GATB: variants seen among roughly 807,000 people sequenced by gnomAD.
The protein encoded by GATB is glutamyl-tRNA(Gln) amidotransferase subunit B, mitochondrial.
Under a neutral mutation model 62.3 loss-of-function variants are expected in GATB, and 39 were observed. The observed-to-expected ratio is 0.63, with a 90% CI of 0.48 to 0.82. The LOEUF (loss-of-function observed/expected upper bound fraction) is 0.82. Among genes scored for constraint, GATB ranks in the 40% least tolerant of loss-of-function variants. GATB has a pLI of 0.00. For missense variants in GATB, 670 were observed against 684.0 expected (o/e 0.98, Z 0.23); for synonymous variants, 276 against 258.9 (o/e 1.07, Z -0.63).
chr4:151,678,230 T>C (rs1434647421), intron 11 of GATB, among the ~76,000 whole-genome samples: 1 of 152,218 alleles, frequency 6.6e-6, no homozygotes, highest in Non-Finnish European at 1.5e-5. Flanking sequence ...TCCCCTCCTT[T>C]AAACATGCTG....
At chr4:151,736,943 G>A (rs1739388251) in intron 2 of GATB, among the ~76,000 whole-genome samples, 1 of 152,194 alleles carries the variant, frequency 6.6e-6, no homozygotes, top group Admixed American at 6.5e-5. Flanking sequence ...GGAACTGTAA[G>A]TCCAATAAAC....
rs1739232653 is a variant in GATB at position 151,730,987 on chromosome 4, C to A, written c.328-11449G>T. ...AGCTATTAAGCTAATCAGGGAGGGA[C>A]CAGAGAAAGGCGAAGCCCAATGCAA... On this transcript the variant is annotated intron_variant, in intron 2 of 12. Coordinates refer to ENST00000263985, the MANE Select transcript of GATB (RefSeq NM_004564.3). The surrounding 1 kb of genome is among the most constrained non-coding windows in gnomAD (Gnocchi z 4.1). 6.6e-6 allele frequency among the ~76,000 whole-genome samples: 1 copy of A among 152,142 alleles called. No homozygotes were observed. The highest frequency in any genetic ancestry group is 6.5e-5 in the Admixed American group (1 of 15,276).
chr4:151,698,159 AG>A (rs1218817377), intron 9 of GATB, among the ~76,000 whole-genome samples: 3 of 151,756 alleles, frequency 2.0e-5, no homozygotes, highest in Non-Finnish European at 4.4e-5. Context: ...TGCTTCTCCC[AG>A]GATCTTCCTG....
intron 9 of GATB, among the ~76,000 whole-genome samples, chr4:151,699,961 T>A (rs574139202): frequency 6.6e-6 from 1 of 152,266 alleles, no homozygotes; most frequent in African/African-American, 2.4e-5. Flanking sequence ...CTTGGTCCCT[T>A]CCTCCCATCT....
At chr4:151,715,150 G>A (rs1296699847) in intron 5 of GATB, among the ~76,000 whole-genome samples, 2 of 152,182 alleles carry the variant, frequency 1.3e-5, no homozygotes, top group Non-Finnish European at 1.5e-5. Context: ...CATCATCAAC[G>A]GGATTTCCTG....
At chr4:151,708,643 C>G (rs1046716055) in intron 5 of GATB, among the ~76,000 whole-genome samples, 11 of 152,212 alleles carry the variant, frequency 7.2e-5, no homozygotes, top group Non-Finnish European at 1.5e-4. Flanking sequence ...GCTTTCCCCC[C>G]TCCTCCTTCC....
chr4:151,737,143 AT>A (rs1739392778), intron 2 of GATB, among the ~76,000 whole-genome samples: 1 of 152,224 alleles, frequency 6.6e-6, no homozygotes, highest in Non-Finnish European at 1.5e-5. Flanking sequence ...AGACAGGAAA[AT>A]GTGAGAAAGT....
At chr4:151,737,286 G>A (rs115049041) in intron 2 of GATB, among the ~76,000 whole-genome samples, 9,141 of 152,250 alleles carry the variant, frequency 0.06, 657 homozygotes, top group South Asian at 0.24. Context: ...AAGATGACTC[G>A]TGTTATGTTT....
intron 9 of GATB, among the ~76,000 whole-genome samples, chr4:151,690,135 AT>A (rs1246380225): frequency 6.6e-6 from 1 of 152,214 alleles, no homozygotes; most frequent in Admixed American, 6.5e-5. Flanking sequence ...AAAAAATGAG[AT>A]ACTGGAAAGA....
chr4:151,732,822 AAG>A (rs1160576568), intron 2 of GATB, among the ~76,000 whole-genome samples: 1 of 151,736 alleles, frequency 6.6e-6, no homozygotes, highest in Non-Finnish European at 1.5e-5. Flanking sequence ...GAAAAATAAA[AAG>A]ATGCTAAAAT....
At chr4:151,734,951 A>T (rs1659980158) in intron 2 of GATB, among the ~76,000 whole-genome samples, 1 of 152,258 alleles carries the variant, frequency 6.6e-6, no homozygotes. Flanking sequence ...TTAAGGACTT[A>T]AACCTAAGAC....
intron 12 of GATB, among the ~76,000 whole-genome samples, chr4:151,671,519 A>AAAAT (rs1481933672): frequency 6.6e-5 from 10 of 152,222 alleles, no homozygotes. Flanking sequence ...CTTTCTGATT[A>AAAAT]AAATGAGCAA....
chr4:151,680,373 A>C (rs974005073), intron 10 of GATB, among the ~76,000 whole-genome samples: 14 of 152,288 alleles, frequency 9.2e-5, no homozygotes, highest in African/African-American at 2.9e-4. Context: ...CTGCAAGGGA[A>C]CACAATGACT....
intron 2 of GATB, among the ~76,000 whole-genome samples, chr4:151,741,801 T>G (rs1285364645): frequency 6.6e-6 from 1 of 152,210 alleles, no homozygotes; most frequent in Non-Finnish European, 1.5e-5. Flanking sequence ...TGTTGTTCTT[T>G]AGGAGGAGTG....
chr4:151,760,914 A>ACCACCGTCAACCCGGGCGAAAGC lies in GATB; in HGVS notation c.46_68dup (p.Ser24LeufsTer52). The ACCACCGTCAACCCGGGCGAAAGC allele has an allele frequency of 6.2e-7, 1 of 1,613,956 alleles. No individual in the cohort carries two copies. Among genetic ancestry groups the ACCACCGTCAACCCGGGCGAAAGC allele is most frequent in the Non-Finnish European group, 8.5e-7 (1 of 1,179,944 alleles). On this transcript the variant is annotated frameshift_variant, in exon 1 of 13. Coordinates refer to ENST00000263985, the MANE Select transcript of GATB (RefSeq NM_004564.3). LOFTEE classifies it high-confidence loss of function. ...TCGGAGCCCCTCTTCGGTGGCAAGA[A>ACCACCGTCAACCCGGGCGAAAGC]CCACCGTCAACCCGGGCGAAAGCCC...
At chr4:151,684,149 C>CT (rs1738199023) in intron 10 of GATB, among the ~76,000 whole-genome samples, 1 of 152,220 alleles carries the variant, frequency 6.6e-6, no homozygotes, top group Non-Finnish European at 1.5e-5. Context: ...CCTCCAGTCC[C>CT]TTCTTGGTTT....
chr4:151,672,369 C>G (rs1276890833), intron 12 of GATB, among the ~76,000 whole-genome samples: 2 of 152,166 alleles, frequency 1.3e-5, no homozygotes, highest in Non-Finnish European at 2.9e-5. Context: ...CCTGCTCTGC[C>G]GGCACACCTG....
chr4:151,707,447 CCAT>C (rs1021705260), intron 6 of GATB, among the ~76,000 whole-genome samples: 3 of 152,170 alleles, frequency 2.0e-5, no homozygotes, highest in African/African-American at 7.2e-5. Flanking sequence ...GTGCTCACCA[CCAT>C]GCCTGGCTAA....
At chr4:151,671,793 C>G (rs192466847) in intron 12 of GATB, among the ~76,000 whole-genome samples, 3 of 152,090 alleles carry the variant, frequency 2.0e-5, no homozygotes. Context: ...TCTTCCAGAG[C>G]GCTGGGTCGG....
Sources: gnomAD v4.1 joint callset for allele counts (sites outside exome capture counted in the v4.1 genomes callset) on GRCh38, gnomAD v4.1.1 for gene constraint, Gnocchi (gnomAD v3.1) non-coding constraint, MANE v1.5 for transcripts, NCBI Gene and HGNC (gene_info 2026-07-23, HGNC 2026-07-21) for gene names.